Variants in PRKCB observed in about 807,000 individuals in gnomAD.
PRKCB encodes the protein protein kinase C beta, also known as protein kinase C beta type.
Under a neutral mutation model 81.5 loss-of-function variants are expected in PRKCB, and 13 were observed. That is an observed-to-expected ratio of 0.16 (90% CI 0.10 to 0.25). The LOEUF (loss-of-function observed/expected upper bound fraction) is 0.25, where lower values mean the gene tolerates loss of function less well. Ranked by LOEUF, PRKCB falls within the 10% of genes least tolerant of loss-of-function variation. The pLI is 1.00. For synonymous variants in PRKCB, 335 were observed against 321.4 expected, an observed-to-expected ratio of 1.04 and a Z score of -0.45; for missense variants, 509 against 875.7, an observed-to-expected ratio of 0.58 and a Z score of 5.29.
intron 2 of PRKCB, among the ~76,000 whole-genome samples, chr16:23,854,904 A>T (rs1384112650): frequency 6.6e-6 from 1 of 152,172 alleles, no homozygotes; most frequent in African/African-American, 2.4e-5. Context: ...AGTGCTCAAC[A>T]TTTACACCTG....
At chr16:24,022,652 C>T (rs983108235) in intron 3 of PRKCB, among the ~76,000 whole-genome samples, 7 of 152,080 alleles carry the variant, frequency 4.6e-5, no homozygotes, top group African/African-American at 1.4e-4. Flanking sequence ...CCGCCACGCC[C>T]GGCTAATTCT....
At chr16:24,058,822 G>T (rs1441332108) in intron 5 of PRKCB, among the ~76,000 whole-genome samples, 1 of 152,158 alleles carries the variant, frequency 6.6e-6, no homozygotes, top group Non-Finnish European at 1.5e-5. Flanking sequence ...GTTACCATGG[G>T]TGACAATTAA....
intron 9 of PRKCB, among the ~76,000 whole-genome samples, chr16:24,148,407 T>G (rs944638544): frequency 3.3e-5 from 5 of 152,312 alleles, no homozygotes; most frequent in African/African-American, 1.2e-4. Flanking sequence ...GCAGGAACCT[T>G]GTCGTTCTGC....
intron 9 of PRKCB, among the ~76,000 whole-genome samples, chr16:24,144,520 C>G (rs1308052467): frequency 6.6e-6 from 1 of 152,132 alleles, no homozygotes; most frequent in Non-Finnish European, 1.5e-5. Context: ...AGGCTGGTCT[C>G]GAAATCCTGA....
At chr16:23,913,363 AG>A (rs1223865404) in intron 2 of PRKCB, among the ~76,000 whole-genome samples, 2 of 151,974 alleles carry the variant, frequency 1.3e-5, no homozygotes, top group Admixed American at 6.6e-5. Context: ...CTGACTGGCC[AG>A]GCTTAGTCAA....
intron 16 of PRKCB, among the ~76,000 whole-genome samples, chr16:24,194,699 T>C (rs1012007092): frequency 6.7e-6 from 1 of 150,304 alleles, no homozygotes; most frequent in Non-Finnish European, 1.5e-5. Context: ...AAGATTACAA[T>C]ACTTAGTCAT....
chr16:24,075,645 A>C (rs1966167706), intron 5 of PRKCB, among the ~76,000 whole-genome samples: 1 of 152,248 alleles, frequency 6.6e-6, no homozygotes, highest in Admixed American at 6.5e-5. Context: ...CTAATGTCAG[A>C]AATCCTATCT....
chr16:23,839,565 G>A (rs1351416925), intron 2 of PRKCB, among the ~76,000 whole-genome samples: 1 of 152,122 alleles, frequency 6.6e-6, no homozygotes, highest in Non-Finnish European at 1.5e-5. Context: ...GAGCCACTAT[G>A]CCCCTCTGGA....
At chr16:23,870,589 T>G (rs1597218877) in intron 2 of PRKCB, among the ~76,000 whole-genome samples, 2 of 152,314 alleles carry the variant, frequency 1.3e-5, no homozygotes, top group East Asian at 3.9e-4. Context: ...ACGAAGCCAT[T>G]AGGTGCTTCA....
rs1429116370 is a variant in PRKCB at position 23,961,036 on chromosome 16, T to C, written c.206-27472T>C. On this transcript the variant is annotated intron_variant, in intron 2 of 16. Coordinates refer to ENST00000643927, the MANE Select transcript of PRKCB (RefSeq NM_002738.7). ...ATTATTTCTTTCCTTTTTCATTAAT[T>C]GGCAGCTCTTTCTTTTTAAAAAAAT... Among the ~76,000 whole-genome samples the C allele has an allele frequency of 3.9e-5, 6 of 152,236 alleles. No individual in the cohort carries two copies. The East Asian group carries it at 1.2e-3, about 29-fold the overall frequency.
chr16:24,087,375 G>T (rs548244970), intron 5 of PRKCB, among the ~76,000 whole-genome samples: 1 of 152,266 alleles, frequency 6.6e-6, no homozygotes, highest in South Asian at 2.1e-4. Flanking sequence ...GGCAAAGTGC[G>T]TCACAGTATG....
chr16:24,198,948 C>T (rs1189009412), intron 16 of PRKCB, among the ~76,000 whole-genome samples: 2 of 152,150 alleles, frequency 1.3e-5, no homozygotes, highest in Non-Finnish European at 2.9e-5. Context: ...CCATTCTAGC[C>T]TGTGTCAGGC....
At chr16:24,075,380 A>G (rs1215291324) in intron 5 of PRKCB, among the ~76,000 whole-genome samples, 1 of 152,194 alleles carries the variant, frequency 6.6e-6, no homozygotes, top group African/African-American at 2.4e-5. Context: ...TAGGGAAGAG[A>G]CAGGAGGAAA....
At chr16:24,115,373 C>T (rs145371724) in intron 8 of PRKCB, among the ~76,000 whole-genome samples, 1,356 of 114,296 alleles carry the variant, frequency 0.012, 191 homozygotes, top group Non-Finnish European at 0.021. Flanking sequence ...AGGATTTTAG[C>T]ATTTATCCCA....
intron 2 of PRKCB, among the ~76,000 whole-genome samples, chr16:23,884,561 G>A (rs572879795): frequency 2.0e-5 from 3 of 152,158 alleles, no homozygotes; most frequent in African/African-American, 7.2e-5. Flanking sequence ...TTGAGTCAGG[G>A]TTTCACTCTG....
intron 2 of PRKCB, among the ~76,000 whole-genome samples, chr16:23,925,452 C>A (rs1193081830): frequency 6.6e-6 from 1 of 151,992 alleles, no homozygotes; most frequent in Non-Finnish European, 1.5e-5. Flanking sequence ...TGCCTGTGTT[C>A]TTAAGGTTGG....
intron 2 of PRKCB, among the ~76,000 whole-genome samples, chr16:23,884,238 G>A (rs944248548): frequency 5.9e-5 from 9 of 152,144 alleles, no homozygotes; most frequent in East Asian, 1.9e-4. Context: ...TCTGGCACCC[G>A]TGTTGTGCTC....
intron 5 of PRKCB, among the ~76,000 whole-genome samples, chr16:24,056,624 G>A (rs932638626): frequency 6.6e-6 from 1 of 152,090 alleles, no homozygotes; most frequent in African/African-American, 2.4e-5. Context: ...TCACCTAAAC[G>A]AGTTCTCGCT....
chr16:23,890,212 T>C lies in PRKCB; in HGVS notation c.205+52806T>C, dbSNP rs191228134. 3.5e-4 allele frequency among the ~76,000 whole-genome samples: 53 copies of C among 152,302 alleles called. No individual in the cohort carries two copies. In the East Asian group the frequency reaches 9.4e-3, roughly 27 times the overall value. On this transcript the variant is annotated intron_variant, in intron 2 of 16. Coordinates refer to ENST00000643927, the MANE Select transcript of PRKCB (RefSeq NM_002738.7). ...GAAGGAACACCCTGACCTTTCACTG[T>C]CCAGTTTTATTGCCTGAATCAAGAA...
Sources: gnomAD v4.1 joint callset for allele counts (sites outside exome capture counted in the v4.1 genomes callset) on GRCh38, gnomAD v4.1.1 for gene constraint, MANE v1.5 for transcripts, NCBI Gene and HGNC (gene_info 2026-07-23, HGNC 2026-07-21) for gene names.